The following BCORL1 variants were observed in gnomAD, a reference collection of about 807,000 sequenced individuals.
BCORL1 encodes the protein BCL-6 corepressor-like protein 1.
BCORL1 carries 7 observed loss-of-function variants against 87.6 expected under a neutral mutation model. The ratio of observed to expected loss-of-function variants is 0.08; its 90% CI spans 0.05 to 0.15. BCORL1 has a LOEUF of 0.15. Among genes scored for constraint, BCORL1 ranks in the 10% least tolerant of loss-of-function variants. The pLI, the probability that BCORL1 is intolerant of heterozygous loss-of-function variation, is 1.00. For missense variants in BCORL1, 1,215 were observed against 1,499.7 expected, an observed-to-expected ratio of 0.81 and a Z score of 3.13; for synonymous variants, 591 against 634.4, an observed-to-expected ratio of 0.93 and a Z score of 1.03.
chrX:130,015,436 A>G lies in BCORL1; in HGVS notation c.2664A>G (p.Gln888=), dbSNP rs369654333. 106 of 1,211,029 alleles carry G rather than the reference A, an allele frequency of 8.8e-5. No homozygotes were observed. Among genetic ancestry groups the G allele is most frequent in the South Asian group, 3.3e-4 (19 of 56,935 alleles). The change falls in exon 4 of 14, where the codon CAA becomes CAG. Residue 888 remains glutamine (Q), a synonymous_variant. Transcript: ENST00000540052. Reference sequence around the variant, plus strand: ...CCGTGCACGGACTTCCTGAGGGGCAACCACGGCCTGGGGGCTCCTTCGTTC... The same window carrying G: ...CCGTGCACGGACTTCCTGAGGGGCAGCCACGGCCTGGGGGCTCCTTCGTTC... ...SEAVHGLPEG[Q]PRPGGSFVPE...
intron 2 of BCORL1, among the ~76,000 whole-genome samples, chrX:130,008,880 C>A (rs1928727965): frequency 8.9e-6 from 1 of 111,959 alleles, no homozygotes; most frequent in Non-Finnish European, 1.9e-5. Flanking sequence ...TCTAGGCAAA[C>A]CTACAGCTAA....
intron 13 of BCORL1, among the ~76,000 whole-genome samples, chrX:130,053,895 G>GT (rs1932213464): frequency 8.9e-6 from 1 of 112,024 alleles, no homozygotes; most frequent in Non-Finnish European, 1.9e-5. Flanking sequence ...TATGATATCT[G>GT]TAGTCCCCTT....
chrX:130,031,104 C>G (rs1414345676), intron 8 of BCORL1, among the ~76,000 whole-genome samples: 1 of 113,216 alleles, frequency 8.8e-6, no homozygotes, highest in Non-Finnish European at 1.9e-5. Context: ...TCCCAGGCAA[C>G]TTGCCTCGCT....
rs1431809650 is a variant in BCORL1, at chrX:130,025,020, C to T, written c.3719C>T (p.Ala1240Val). 1 of 1,211,352 alleles carries T rather than the reference C, an allele frequency of 8.3e-7. No homozygotes were observed. The highest frequency in any genetic ancestry group is 1.8e-5 in the South Asian group (1 of 56,926). The change falls in exon 7 of 14, where the codon GCA becomes GTA. Residue 1240 changes from alanine (A) to valine (V), a missense_variant. By Grantham distance (64) the Ala-to-Val change is moderately conservative. Coordinates refer to ENST00000540052, the MANE Select transcript of BCORL1 (RefSeq NM_001379451.1). Reference protein sequence around the residue: ...GSICSSFAGMADSDMGSQEVF... With the variant: ...GSICSSFAGMVDSDMGSQEVF... ...ATCTGTAGCTCCTTTGCTGGCATGG[C>T]AGACAGTGACATGGGAAGCCAGGAA... is the stretch of plus-strand genomic sequence containing the variant.
At position 130,014,026 on chromosome X, in the gene BCORL1, T is replaced by C; in HGVS notation, c.1254T>C (p.Ser418=). The C allele has an allele frequency of 8.3e-7, 1 of 1,209,730 alleles. No individual in the cohort carries two copies. Among genetic ancestry groups the C allele is most frequent in the South Asian group, 1.8e-5 (1 of 56,819 alleles). ...CCATCCCGGCCTCCTTCAGTTTGAG[T>C]AGAGTGTGCTTTCCTGCAGCTCAGG... is the stretch of plus-strand genomic sequence containing the variant. ...SAPIPASFSL[S]RVCFPAAQAP... The change falls in exon 4 of 14, where the codon AGT becomes AGC. Residue 418 remains serine (S), a synonymous_variant. Transcript: ENST00000540052.
At chrX:129,985,220 G>T (rs919447653) in intron 1 of BCORL1, among the ~76,000 whole-genome samples, 3 of 112,079 alleles carry the variant, frequency 2.7e-5, no homozygotes, top group African/African-American at 6.5e-5. Context: ...ATTGCATTTG[G>T]GGTTGGGAGT....
chrX:129,980,379 C>G (rs1004532096), upstream of BCORL1, among the ~76,000 whole-genome samples: 36 of 113,228 alleles, frequency 3.2e-4, no homozygotes, highest in African/African-American at 1.1e-3. Context: ...CGGCCGGGGG[C>G]TCTGCCCAGG....
At chrX:130,023,661 T>A (rs182606364) in intron 6 of BCORL1, among the ~76,000 whole-genome samples, 7 of 112,228 alleles carry the variant, frequency 6.2e-5, no homozygotes, top group African/African-American at 2.3e-4. Flanking sequence ...GAGGTGGTAA[T>A]TGGGGCTCAT....
At chrX:130,020,863 CT>C (rs770525292) in intron 4 of BCORL1, 121 bp from the exon 5 acceptor site, 2 of 809,890 alleles carry the variant, frequency 2.5e-6, no homozygotes, top group African/African-American at 4.4e-5. Flanking sequence ...CCCCTTGCCC[CT>C]GGTCCCCCAC....
At chrX:129,998,698 C>T (rs181615925) in intron 1 of BCORL1, among the ~76,000 whole-genome samples, 11 of 111,802 alleles carry the variant, frequency 9.8e-5, no homozygotes, top group Non-Finnish European at 3.8e-5. Context: ...AGTCTGTTCT[C>T]TAGGGCCGCT....
intron 1 of BCORL1, 122 bp from the exon 2 acceptor site, chrX:130,005,066 C>T (rs2124403891): frequency 2.3e-6 from 1 of 425,680 alleles, no homozygotes; most frequent in South Asian, 6.3e-5. Flanking sequence ...TTTTCCATAG[C>T]AGGCTGGCTG....
chrX:129,997,376 C>T (rs1017336512), intron 1 of BCORL1, among the ~76,000 whole-genome samples: 1 of 111,201 alleles, frequency 9.0e-6, no homozygotes, highest in African/African-American at 3.3e-5. Context: ...TTCTTTTATG[C>T]CTATCACACC....
chrX:130,041,901 A>G (rs1425603318), intron 11 of BCORL1, among the ~76,000 whole-genome samples: 2 of 112,161 alleles, frequency 1.8e-5, no homozygotes, highest in Non-Finnish European at 3.8e-5. Context: ...TGCTGGAATT[A>G]CAGGCGTGAG....
chrX:130,004,918 A>G (rs961679081), intron 1 of BCORL1, among the ~76,000 whole-genome samples: 7 of 111,927 alleles, frequency 6.3e-5, no homozygotes, highest in Non-Finnish European at 1.3e-4. Flanking sequence ...AATAGATTGA[A>G]TTTCCTCTAC....
intron 9 of BCORL1, 48 bp from the exon 10 acceptor site, chrX:130,037,319 C>G (rs1238520359): frequency 1.7e-6 from 2 of 1,174,810 alleles, no homozygotes; most frequent in Non-Finnish European, 2.3e-6. Flanking sequence ...TATATAAGTT[C>G]AAGAATTAGA....
intron 5 of BCORL1, among the ~76,000 whole-genome samples, chrX:130,022,236 CTTTT>C (rs34598574): frequency 1.8e-5 from 1 of 56,335 alleles, no homozygotes; most frequent in Non-Finnish European, 3.1e-5. Context: ...TTCTTTCTTT[CTTTT>C]TTTTTTTTTT....
chrX:130,029,639 ATT>A (rs377306965), intron 8 of BCORL1, among the ~76,000 whole-genome samples: 2 of 100,369 alleles, frequency 2.0e-5, no homozygotes, highest in African/African-American at 3.6e-5. Context: ...CGTGATTCTT[ATT>A]TTTTTTTTTC....
At chrX:130,037,163 C>G (rs1931000846) in intron 9 of BCORL1, among the ~76,000 whole-genome samples, 1 of 110,993 alleles carries the variant, frequency 9.0e-6, no homozygotes, top group South Asian at 3.8e-4. Context: ...AGTCTCTCCA[C>G]TGCCAAGGAA....
In BCORL1 at chrX:130,057,093, C is replaced by G. The variant is rs1932440229; in HGVS notation, c.*957C>G. On this transcript the variant is annotated 3_prime_UTR_variant, in exon 14 of 14. Coordinates refer to ENST00000540052, the MANE Select transcript of BCORL1 (RefSeq NM_001379451.1). The stretch of plus-strand genomic sequence containing the variant: ...ACTCTCCCACCCCGTTCTGGCCTCC[C>G]TGTCTCAAGATACTGAGCCTCTCAC... 1 of 109,089 alleles carries G rather than the reference C, an allele frequency of 9.2e-6. No individual in the cohort carries two copies. Among genetic ancestry groups the G allele is most frequent in the Non-Finnish European group, 1.9e-5 (1 of 52,332 alleles). 9.0% of individuals were successfully genotyped at this position (109,089 alleles called of 1,213,427 possible). A position where few individuals can be genotyped will look rare whatever the true frequency, so the allele number is the denominator to read the frequency against.
Sources: allele counts gnomAD v4.1 joint callset (sites outside exome capture counted in the v4.1 genomes callset), GRCh38; gene constraint gnomAD v4.1.1; transcripts MANE v1.5; gene names NCBI Gene and HGNC (gene_info 2026-07-23, HGNC 2026-07-21).